The following CLIC6 variants were observed in gnomAD, a reference collection of about 807,000 sequenced individuals.
The protein encoded by CLIC6 is CLIC family member 6, also known as chloride intracellular channel protein 6.
In CLIC6, 39 loss-of-function variants were observed where a neutral mutation model predicts 49.2. The ratio of observed to expected loss-of-function variants is 0.79; its 90% CI spans 0.61 to 1.04. The LOEUF is 1.04. Among genes scored for constraint, CLIC6 ranks in the 50% least tolerant of loss-of-function variants. CLIC6 has a pLI of 0.00. For synonymous variants in CLIC6, 446 were observed against 433.4 expected, an observed-to-expected ratio of 1.03 and a Z score of -0.36; for missense variants, 988 against 993.1, an observed-to-expected ratio of 0.99 and a Z score of 0.07.
chr21:34,688,903 G>A (rs1159347550), intron 1 of CLIC6, among the ~76,000 whole-genome samples: 1 of 152,166 alleles, frequency 6.6e-6, no homozygotes, highest in Non-Finnish European at 1.5e-5. Flanking sequence ...TGACTCCTTC[G>A]AAGGTGTCCA....
At chr21:34,696,434 C>T (rs919678263) in intron 1 of CLIC6, among the ~76,000 whole-genome samples, 3 of 152,216 alleles carry the variant, frequency 2.0e-5, no homozygotes, top group African/African-American at 4.8e-5. Flanking sequence ...CAAGCCAACT[C>T]CCATCACTCT....
At chr21:34,716,257 G>A in intron 5 of CLIC6, 64 bp from the exon 6 acceptor site, 1 of 1,366,042 alleles carries the variant, frequency 7.3e-7, no homozygotes, top group Non-Finnish European at 1.0e-6. Context: ...AGAATGGACT[G>A]TCTGACTTGG....
At chr21:34,672,892 T>C (rs2145795288) in intron 1 of CLIC6, among the ~76,000 whole-genome samples, 1 of 152,320 alleles carries the variant, frequency 6.6e-6, no homozygotes, top group Non-Finnish European at 1.5e-5. Context: ...CACAAAGCAC[T>C]TAGAAAAGTG....
At chr21:34,673,762 C>A (rs1989613571) in intron 1 of CLIC6, among the ~76,000 whole-genome samples, 1 of 152,144 alleles carries the variant, frequency 6.6e-6, no homozygotes, top group South Asian at 2.1e-4. Context: ...CAAAAAAACA[C>A]CCTTTAGACT....
In CLIC6 at chr21:34,708,073, G is replaced by C; in HGVS notation, c.1610+4G>C. The C allele has an allele frequency of 6.2e-7, 1 of 1,614,082 alleles. No individual in the cohort carries two copies. The highest frequency in any genetic ancestry group is 8.5e-7 in the Non-Finnish European group (1 of 1,179,962). On this transcript the variant is annotated splice_donor_region_variant and intron_variant, in intron 3 of 5. Coordinates refer to ENST00000349499, the MANE Select transcript of CLIC6 (RefSeq NM_053277.3). ...AGGAGAAATTAGCTCCCCCGAGGTA[G>C]GCCTCAGAAAACCAGTGTTCATAAC...
At position 34,679,907 on chromosome 21, in the gene CLIC6, G is replaced by A. The variant is rs556631644; in HGVS notation, c.1374+9145G>A. Among the ~76,000 whole-genome samples, 5 of 152,358 alleles carry A rather than the reference G, an allele frequency of 3.3e-5. No individual in the cohort carries two copies. The South Asian group carries it at 8.3e-4, about 25-fold the overall frequency. On this transcript the variant is annotated intron_variant, in intron 1 of 5. Coordinates refer to ENST00000349499, the MANE Select transcript of CLIC6 (RefSeq NM_053277.3). ...CTCTTGGCTGCTTTCACGGACTGGT[G>A]TTGAGTGTCTGTGGCTTTTCCAGGT...
At chr21:34,710,094 G>A (rs539691800) in intron 5 of CLIC6, among the ~76,000 whole-genome samples, 6 of 151,642 alleles carry the variant, frequency 4.0e-5, no homozygotes, top group East Asian at 1.9e-4. Flanking sequence ...GCAACATAGC[G>A]AGACCCCATC....
intron 1 of CLIC6, among the ~76,000 whole-genome samples, chr21:34,695,833 G>A (rs1990078623): frequency 6.6e-6 from 1 of 152,194 alleles, no homozygotes; most frequent in Non-Finnish European, 1.5e-5. Flanking sequence ...TTGGCTAAAC[G>A]ACATGAAATG....
rs58602751 is a variant in CLIC6 at position 34,692,212 on chromosome 21, C to T, written c.1375-15068C>T. Among the ~76,000 whole-genome samples the T allele has an allele frequency of 3.7e-3, 558 of 152,286 alleles. 2 individuals carry two copies. The highest frequency in any genetic ancestry group is 4.6e-3 in the Non-Finnish European group (315 of 68,016). On this transcript the variant is annotated intron_variant, in intron 1 of 5. Coordinates refer to ENST00000349499, the MANE Select transcript of CLIC6 (RefSeq NM_053277.3). The stretch of plus-strand genomic sequence containing the variant: ...AGAAGGTATAGAAAAGTTATGAAAA[C>T]GAACACCTTCACTTTGTGTATAAGG...
chr21:34,670,803 C>G, intron 1 of CLIC6, 41 bp downstream of exon 1: 1 of 1,562,368 alleles, frequency 6.4e-7, no homozygotes, highest in Non-Finnish European at 8.6e-7. Flanking sequence ...GACCCCCTTC[C>G]ATTCGAGGTC....
chr21:34,681,387 A>G (rs543790114), intron 1 of CLIC6, among the ~76,000 whole-genome samples: 103 of 152,336 alleles, frequency 6.8e-4, no homozygotes, highest in Non-Finnish European at 1.3e-3. Context: ...TTTAGGTGGG[A>G]ACACAGAGCC....
Position 34,708,038 on chromosome 21 carries a change from G to A in CLIC6, c.1579G>A (p.Glu527Lys). Reference sequence around the variant, plus strand: ...CAAGACGGATGTGAATAAGATCGAGGAGTTCTTAGAGGAGAAATTAGCTCC... The same window carrying A: ...CAAGACGGATGTGAATAAGATCGAGAAGTTCTTAGAGGAGAAATTAGCTCC... ...EVKTDVNKIE[E>K]FLEEKLAPPR... The change falls in exon 3 of 6, where the codon GAG (glutamate) becomes AAG (lysine). Residue 527 changes from glutamate (E) to lysine (K), a missense_variant. Around this residue, in one of 3 missense-constraint regions of CLIC6, gnomAD observed 647 missense variants for 596.9 expected, o/e 1.08. Transcript: ENST00000349499. 1 of 1,614,114 alleles carries A rather than the reference G, an allele frequency of 6.2e-7. No individual in the cohort carries two copies. The highest frequency in any genetic ancestry group is 8.5e-7 in the Non-Finnish European group (1 of 1,179,996).
At chr21:34,710,994 C>A (rs1041969905) in intron 5 of CLIC6, among the ~76,000 whole-genome samples, 6 of 152,196 alleles carry the variant, frequency 3.9e-5, no homozygotes, top group African/African-American at 1.4e-4. Flanking sequence ...CGCTCCCAGC[C>A]GCTCTATCAC....
chr21:34,709,961 G>A (rs1334133484), intron 5 of CLIC6, among the ~76,000 whole-genome samples: 2 of 152,188 alleles, frequency 1.3e-5, no homozygotes, highest in African/African-American at 2.4e-5. Context: ...TGACAGAGGA[G>A]TGTTCTATTA....
intron 1 of CLIC6, among the ~76,000 whole-genome samples, chr21:34,706,517 C>G (rs1356649218): frequency 6.6e-6 from 1 of 152,182 alleles, no homozygotes; most frequent in Non-Finnish European, 1.5e-5. Flanking sequence ...CTCACATACA[C>G]CCGTGTAGCC....
At chr21:34,693,276 C>A (rs867762205) in intron 1 of CLIC6, among the ~76,000 whole-genome samples, 1 of 152,176 alleles carries the variant, frequency 6.6e-6, no homozygotes. Flanking sequence ...TCCTGTGTAG[C>A]AGGGAATCAC....
Position 34,718,016 on chromosome 21 carries a change from G to A in CLIC6, c.*1534G>A, listed in dbSNP as rs997242903. 6.6e-5 allele frequency: 10 copies of A among 152,614 alleles called. 1 individual carries two copies. Among genetic ancestry groups the A allele is most frequent in the African/African-American group, 1.4e-4 (6 of 41,442 alleles). The allele number at this position is 152,614 out of a possible 1,614,324, so 9.5% of individuals were successfully genotyped here. A position where few individuals can be genotyped will look rare whatever the true frequency, so the allele number is the denominator to read the frequency against. On this transcript the variant is annotated 3_prime_UTR_variant, in exon 6 of 6. Coordinates refer to ENST00000349499, the MANE Select transcript of CLIC6 (RefSeq NM_053277.3). ...CATACGTTTTTGGAGATTGGGTCTA[G>A]CACATGTCACCCTTGTCCACGTTGT...
intron 1 of CLIC6, among the ~76,000 whole-genome samples, chr21:34,703,475 AAGG>A (rs2055993568): frequency 2.0e-5 from 3 of 151,954 alleles, no homozygotes; most frequent in African/African-American, 7.3e-5. Context: ...TGGTCCTTTG[AAGG>A]CAGTGGTGGG....
intron 1 of CLIC6, among the ~76,000 whole-genome samples, chr21:34,677,243 T>G (rs1248946420): frequency 1.3e-5 from 2 of 152,244 alleles, no homozygotes; most frequent in Non-Finnish European, 2.9e-5. Context: ...CTCTTATTGT[T>G]TTTTCCTGCT....
Sources: gnomAD v4.1 joint callset for allele counts (sites outside exome capture counted in the v4.1 genomes callset) on GRCh38, gnomAD v4.1.1 for gene constraint, gnomAD v4.1.1 regional missense constraint, MANE v1.5 for transcripts, NCBI Gene and HGNC (gene_info 2026-07-23, HGNC 2026-07-21) for gene names.